C9orf153: variants seen among roughly 807,000 people sequenced by gnomAD.
C9orf153 encodes the protein uncharacterized protein C9orf153.
C9orf153 carries 10 observed loss-of-function variants against 9.0 expected under a neutral mutation model. The ratio of observed to expected loss-of-function variants is 1.11; its 90% CI spans 0.69 to 1.89. C9orf153 has a LOEUF of 1.89. C9orf153 is among the 40% of genes most tolerant of loss of function. The pLI is 0.00. For missense variants in C9orf153, 108 were observed against 111.0 expected (o/e 0.97, Z 0.12); for synonymous variants, 35 against 37.3 (o/e 0.94, Z 0.23).
At chr9:86,256,068 C>A (rs1360826230) in intron 1 of C9orf153, among the ~76,000 whole-genome samples, 2 of 152,254 alleles carry the variant, frequency 1.3e-5, no homozygotes, top group Non-Finnish European at 2.9e-5. Flanking sequence ...GATTCTACAG[C>A]ATTCTGGAAT....
At chr9:86,242,387 T>C (rs970511848) in intron 1 of C9orf153, among the ~76,000 whole-genome samples, 1 of 152,176 alleles carries the variant, frequency 6.6e-6, no homozygotes, top group Admixed American at 6.5e-5. Context: ...CGCAAGACTT[T>C]CTTTGTGCAG....
At position 86,227,865 on chromosome 9, in the gene C9orf153, G is replaced by A. The variant is rs1824371068; in HGVS notation, c.232C>T (p.Pro78Ser). The part of the protein sequence containing the change: ...RGADVRGDLQ[P>S]VIRKTIHESK... ...TTAACCACTGTGCACCTGATAACAG[G>A]TTGGAGATCTCCTCTCACATCAGCG... The change falls in exon 3 of 4, where the codon CCT (proline) becomes TCT (serine). Residue 78 changes from proline (P) to serine (S), a missense_variant. By Grantham distance (74) the Pro-to-Ser change is moderately conservative. Transcript: ENST00000339137. 1 of 1,611,788 alleles carries A rather than the reference G, an allele frequency of 6.2e-7. No individual in the cohort carries two copies. The highest frequency in any genetic ancestry group is 2.2e-5 in the East Asian group (1 of 44,816).
In C9orf153 at chr9:86,243,375, T is replaced by G. The variant is rs547066245; in HGVS notation, c.-26-13746A>C. On this transcript the variant is annotated intron_variant, in intron 1 of 3. Transcript: ENST00000339137. ...CCTTTCACTACAACAGAAACAACTG[T>G]GGTGTAATTTGAAATATATTTGGTC... Among the ~76,000 whole-genome samples the G allele has an allele frequency of 3.9e-5, 6 of 152,240 alleles. No individual in the cohort carries two copies. The South Asian group carries it at 1.2e-3, about 32-fold the overall frequency.
At chr9:86,240,707 C>CTTTTTTTTTTTT (rs367674249) in intron 1 of C9orf153, among the ~76,000 whole-genome samples, 6 of 117,006 alleles carry the variant, frequency 5.1e-5, no homozygotes, top group Non-Finnish European at 7.0e-5. Context: ...TTTTCTTTTT[C>CTTTTTTTTTTTT]TTTTTTTTTT....
At chr9:86,236,939 T>TAAAAA (rs57214746) in intron 1 of C9orf153, among the ~76,000 whole-genome samples, 5 of 79,942 alleles carry the variant, frequency 6.3e-5, no homozygotes, top group African/African-American at 1.6e-4. Context: ...CGTCTCTAAA[T>TAAAAA]AAAAAAAAAA....
intron 1 of C9orf153, among the ~76,000 whole-genome samples, chr9:86,239,528 A>G (rs7030098): frequency 0.55 from 83,423 of 152,044 alleles, 25,038 homozygotes; most frequent in East Asian, 0.88. Context: ...TAGTTTAGAG[A>G]AGTCCAAATA....
intron 1 of C9orf153, among the ~76,000 whole-genome samples, chr9:86,237,930 A>T (rs1252404433): frequency 6.6e-6 from 1 of 152,006 alleles, no homozygotes; most frequent in African/African-American, 2.4e-5. Context: ...AACGTAAAAA[A>T]ATTAGCCAGG....
chr9:86,229,134 C>T (rs1436040814), intron 2 of C9orf153, among the ~76,000 whole-genome samples: 1 of 151,934 alleles, frequency 6.6e-6, no homozygotes, highest in Non-Finnish European at 1.5e-5. Flanking sequence ...TGTGTTAGCA[C>T]TGATAGTCTT....
chr9:86,221,583 A>T lies in C9orf153; in HGVS notation c.*105T>A, dbSNP rs534373993. 2 of 1,420,914 alleles carry T rather than the reference A, an allele frequency of 1.4e-6. No individual in the cohort carries two copies. Among genetic ancestry groups the T allele is most frequent in the Admixed American group, 6.1e-5 (2 of 32,930 alleles). 88.0% of individuals were successfully genotyped at this position (1,420,914 alleles called of 1,614,324 possible). A position where few individuals can be genotyped will look rare whatever the true frequency, so the allele number is the denominator to read the frequency against. ...CAAAGACTTGCGAACTATAGGGGGG[A>T]AAATAACGTCAGGCATGTCCTGGCT... is the stretch of plus-strand genomic sequence containing the variant. On this transcript the variant is annotated 3_prime_UTR_variant, in exon 4 of 4. Transcript: ENST00000339137.
chr9:86,255,143 T>C (rs1825090384), intron 1 of C9orf153, among the ~76,000 whole-genome samples: 1 of 151,988 alleles, frequency 6.6e-6, no homozygotes, highest in Non-Finnish European at 1.5e-5. Context: ...TGCTCTTTTT[T>C]GCTTGTCCCA....
chr9:86,244,127 T>TC (rs1215302125), intron 1 of C9orf153, among the ~76,000 whole-genome samples: 9 of 152,224 alleles, frequency 5.9e-5, no homozygotes, highest in African/African-American at 2.2e-4. Flanking sequence ...ATGAAAAGTA[T>TC]CTCATTAGGG....
At chr9:86,239,143 C>T (rs974997331) in intron 1 of C9orf153, among the ~76,000 whole-genome samples, 14 of 152,092 alleles carry the variant, frequency 9.2e-5, no homozygotes, top group Admixed American at 2.6e-4. Flanking sequence ...TGCCTGTAGT[C>T]CCAGCTACTC....
intron 2 of C9orf153, among the ~76,000 whole-genome samples, chr9:86,229,290 T>C (rs1050537515): frequency 6.6e-6 from 1 of 150,526 alleles, no homozygotes; most frequent in Non-Finnish European, 1.5e-5. Flanking sequence ...TGTGCTAACA[T>C]TGGTGAATGG....
chr9:86,234,417 T>C (rs1034371206), intron 1 of C9orf153, among the ~76,000 whole-genome samples: 9 of 152,250 alleles, frequency 5.9e-5, no homozygotes, highest in African/African-American at 1.9e-4. Flanking sequence ...AACTCAATTA[T>C]GGTGAATCGA....
intron 1 of C9orf153, among the ~76,000 whole-genome samples, chr9:86,255,543 A>G (rs758640300): frequency 8.5e-5 from 13 of 152,208 alleles, no homozygotes; most frequent in Non-Finnish European, 1.6e-4. Context: ...TTTCATCTAC[A>G]TAGCAAGACC....
intron 1 of C9orf153, among the ~76,000 whole-genome samples, chr9:86,254,419 G>T (rs777237015): frequency 6.6e-6 from 1 of 152,126 alleles, no homozygotes; most frequent in African/African-American, 2.4e-5. Context: ...AAACAATCTG[G>T]TATAAACTTT....
intron 3 of C9orf153, among the ~76,000 whole-genome samples, chr9:86,223,276 T>C (rs181684808): frequency 9.3e-4 from 141 of 152,212 alleles, no homozygotes; most frequent in Admixed American, 2.1e-3. Context: ...ATGACCAGCC[T>C]GGCCAACAGG....
rs1824416085 is a variant in C9orf153, at chr9:86,229,536, A to G, written c.66+2T>C. ...CCTCGTTGTACAATGTTAAGTACAT[A>G]CTGAACATTGAGGAAGGGTGGCTTC... is the stretch of plus-strand genomic sequence containing the variant. On this transcript the variant is annotated splice_donor_variant, in intron 2 of 3. Transcript: ENST00000339137. LOFTEE classifies it high-confidence loss of function. The G allele has an allele frequency of 1.2e-6, 2 of 1,600,420 alleles. No individual in the cohort carries two copies. The highest frequency in any genetic ancestry group is 2.2e-5 in the East Asian group (1 of 44,824).
chr9:86,227,735 T>C, intron 3 of C9orf153, 120 bp downstream of exon 3: 1 of 1,429,032 alleles, frequency 7.0e-7, no homozygotes, highest in South Asian at 1.8e-5. Context: ...GATCCCACAC[T>C]GTGACAGCCT....
Sources: gnomAD v4.1 joint callset for allele counts (sites outside exome capture counted in the v4.1 genomes callset) on GRCh38, gnomAD v4.1.1 for gene constraint, MANE v1.5 for transcripts, NCBI Gene and HGNC (gene_info 2026-07-23, HGNC 2026-07-21) for gene names.